ANKRD30A: variants seen among roughly 807,000 people sequenced by gnomAD.
The protein encoded by ANKRD30A is ankyrin repeat domain-containing protein 30A.
In ANKRD30A, 170 loss-of-function variants were observed where a neutral mutation model predicts 166.3. The ratio of observed to expected loss-of-function variants is 1.02; its 90% CI spans 0.90 to 1.16. ANKRD30A has a LOEUF of 1.16. Ranked by LOEUF, ANKRD30A falls within the 50% of genes most tolerant of loss-of-function variation. The pLI, the probability that ANKRD30A is intolerant of heterozygous loss-of-function variation, is 0.00. For missense variants in ANKRD30A, 1,630 were observed against 1,518.0 expected, an observed-to-expected ratio of 1.07 and a Z score of -1.23; for synonymous variants, 564 against 508.9, an observed-to-expected ratio of 1.11 and a Z score of -1.46.
chr10:37,228,128 G>T lies in ANKRD30A; in HGVS notation c.4186-3333G>T, dbSNP rs1170437736. Among the ~76,000 whole-genome samples the T allele has an allele frequency of 3.3e-5, 5 of 151,892 alleles. No homozygotes were observed. The East Asian group carries it at 9.7e-4, about 29-fold the overall frequency. On this transcript the variant is annotated intron_variant, in intron 34 of 35. Coordinates refer to ENST00000361713, the MANE Select transcript of ANKRD30A (RefSeq NM_052997.3). The stretch of plus-strand genomic sequence containing the variant: ...ATATTTTTTGGAATAAATATTTTAT[G>T]CTATTCAAAGAAAAAGTTTCAGAAG...
At chr10:37,197,596 G>C in intron 29 of ANKRD30A, 116 bp downstream of exon 29, 1 of 1,488,260 alleles carries the variant, frequency 6.7e-7, no homozygotes, top group Non-Finnish European at 9.2e-7. Flanking sequence ...TTTGATCTAG[G>C]TAATGCCAAT....
rs771314539 is a variant in ANKRD30A at position 37,144,996 on chromosome 10, T to C, written c.1395T>C (p.Asp465=). 1.1e-5 allele frequency: 17 copies of C among 1,596,330 alleles called. No individual in the cohort carries two copies. In the East Asian group the frequency reaches 3.6e-4, roughly 34 times the overall value. The change falls in exon 8 of 36, where the codon GAT becomes GAC. Residue 465 remains aspartate, a splice_region_variant and synonymous_variant. Transcript: ENST00000361713. ...ATATCTGTGATTAACTTTTTATAGA[T>C]CAGAGGTTCCCATCAGAATCCAAAC... ...KESSTKASAN[D]QRFPSESKQE...
At chr10:37,161,437 G>T (rs1226670292) in intron 15 of ANKRD30A, among the ~76,000 whole-genome samples, 1 of 151,566 alleles carries the variant, frequency 6.6e-6, no homozygotes, top group Non-Finnish European at 1.5e-5. Flanking sequence ...AGAGTTAGAG[G>T]TTTTTTTTTA....
At chr10:37,149,006 A>T (rs1837711861) in intron 9 of ANKRD30A, among the ~76,000 whole-genome samples, 1 of 152,072 alleles carries the variant, frequency 6.6e-6, no homozygotes, top group Admixed American at 6.6e-5. Flanking sequence ...TTATATACAT[A>T]TGTCAATATT....
At chr10:37,179,683 A>C (rs1840054002) in intron 24 of ANKRD30A, among the ~76,000 whole-genome samples, 1 of 142,994 alleles carries the variant, frequency 7.0e-6, no homozygotes, top group African/African-American at 2.5e-5. Flanking sequence ...CATATTAAAG[A>C]ACATGATGAA....
At chr10:37,165,468 G>T (rs1892428) in intron 18 of ANKRD30A, among the ~76,000 whole-genome samples, 1 of 135,674 alleles carries the variant, frequency 7.4e-6, no homozygotes, top group Admixed American at 7.3e-5. Context: ...ACACTGAGTC[G>T]AGCTATGGGC....
At chr10:37,240,875 C>T in the ANKRD30A span, 2 of 152,084 alleles carry the variant, frequency 1.3e-5, no homozygotes, top group Non-Finnish European at 2.9e-5. Flanking sequence ...TAGTATAACA[C>T]TGCCAAGGAG....
At chr10:37,183,667 G>A (rs1212171168) in intron 24 of ANKRD30A, among the ~76,000 whole-genome samples, 2 of 147,660 alleles carry the variant, frequency 1.4e-5, no homozygotes, top group African/African-American at 4.9e-5. Context: ...TTCAGTTTAT[G>A]GTCTCATTTC....
downstream of ANKRD30A, among the ~76,000 whole-genome samples, chr10:37,235,164 A>G (rs1352342395): frequency 2.0e-5 from 3 of 152,214 alleles, no homozygotes; most frequent in African/African-American, 7.2e-5. Context: ...CTACTTAGCC[A>G]AATGCAAATT....
At chr10:37,245,099 T>C in the ANKRD30A span, among the ~76,000 whole-genome samples, 1 of 152,202 alleles carries the variant, frequency 6.6e-6, no homozygotes, top group Admixed American at 6.5e-5. Context: ...ACACTACTAA[T>C]ATTTCAATTG....
At chr10:37,167,026 A>T (rs139341738) in intron 19 of ANKRD30A, among the ~76,000 whole-genome samples, 1,666 of 152,224 alleles carry the variant, frequency 0.011, 12 homozygotes, top group Non-Finnish European at 0.018. Context: ...AACAAGAAGC[A>T]GGTTTATGTA....
chr10:37,160,098 G>C (rs1838737569), intron 15 of ANKRD30A, among the ~76,000 whole-genome samples: 2 of 152,098 alleles, frequency 1.3e-5, no homozygotes, highest in Non-Finnish European at 2.9e-5. Context: ...AATACAATTA[G>C]CTCTGCTTTG....
the ANKRD30A span, among the ~76,000 whole-genome samples, chr10:37,254,554 GT>G: frequency 0.49 from 74,469 of 150,742 alleles, 18,679 homozygotes; most frequent in South Asian, 0.71. Flanking sequence ...CTATTTTTAT[GT>G]TTTTTTTCTT....
chr10:37,218,564 G>C (rs1842717604), intron 33 of ANKRD30A, among the ~76,000 whole-genome samples: 1 of 150,958 alleles, frequency 6.6e-6, no homozygotes, highest in South Asian at 2.1e-4. Context: ...AACTGAAAGA[G>C]CTCTGGGAAA....
chr10:37,198,271 G>T (rs1249067957), intron 29 of ANKRD30A, among the ~76,000 whole-genome samples: 2 of 152,008 alleles, frequency 1.3e-5, no homozygotes, highest in African/African-American at 4.8e-5. Context: ...AGATGGTTGT[G>T]CAGTGTAATG....
intron 13 of ANKRD30A, among the ~76,000 whole-genome samples, chr10:37,157,863 T>C (rs1252889510): frequency 2.5e-4 from 38 of 152,350 alleles, no homozygotes; most frequent in Middle Eastern, 3.4e-3. Flanking sequence ...TTCTCTGCAA[T>C]GATAAGTACA....
chr10:37,151,252 T>C (rs1358975030), intron 11 of ANKRD30A, among the ~76,000 whole-genome samples: 3 of 152,176 alleles, frequency 2.0e-5, no homozygotes, highest in African/African-American at 7.2e-5. Context: ...ACATTATTTT[T>C]GGTATAAATT....
intron 10 of ANKRD30A, 44 bp from the exon 11 acceptor site, chr10:37,149,733 A>G: frequency 6.2e-7 from 1 of 1,612,570 alleles, no homozygotes; most frequent in Non-Finnish European, 8.5e-7. Context: ...GTATTTGTGA[A>G]GTATACATTC....
the ANKRD30A span, among the ~76,000 whole-genome samples, chr10:37,250,909 G>T: frequency 6.6e-6 from 1 of 152,144 alleles, no homozygotes; most frequent in Non-Finnish European, 1.5e-5. Flanking sequence ...TCCCTATCCT[G>T]CTGGAGCTAC....
Sources: allele counts gnomAD v4.1 joint callset (sites outside exome capture counted in the v4.1 genomes callset), GRCh38; gene constraint gnomAD v4.1.1; transcripts MANE v1.5; gene names NCBI Gene and HGNC (gene_info 2026-07-23, HGNC 2026-07-21).